VTI1A: variants seen among roughly 807,000 people sequenced by gnomAD.
The protein encoded by VTI1A is vesicle transport through interaction with t-SNAREs 1A.
In VTI1A, 22 loss-of-function variants were observed where a neutral mutation model predicts 34.9. That is an observed-to-expected ratio of 0.63 (90% confidence interval 0.45 to 0.90). The LOEUF is 0.90. Ranked by LOEUF, VTI1A falls within the 40% of genes least tolerant of loss-of-function variation. The probability of loss-of-function intolerance (pLI) is 0.00; values close to 1 mark genes in which losing one functional copy is unlikely to be tolerated. For missense variants in VTI1A, 268 were observed against 275.6 expected, an observed-to-expected ratio of 0.97 and a Z score of 0.20; for synonymous variants, 87 against 97.3, an observed-to-expected ratio of 0.89 and a Z score of 0.62.
intron 4 of VTI1A, among the ~76,000 whole-genome samples, chr10:112,534,069 G>T (rs945419506): frequency 6.6e-6 from 1 of 152,086 alleles, no homozygotes; most frequent in African/African-American, 2.4e-5. Flanking sequence ...GCTACTCTGT[G>T]TACATAGATA....
chr10:112,478,838 C>T (rs533451109), intron 3 of VTI1A, among the ~76,000 whole-genome samples: 1 of 151,576 alleles, frequency 6.6e-6, no homozygotes, highest in Admixed American at 6.6e-5. Flanking sequence ...CCATTTCTTC[C>T]CTAGCTTCTA....
chr10:112,531,187 A>G (rs577259928), intron 4 of VTI1A, among the ~76,000 whole-genome samples: 5 of 152,072 alleles, frequency 3.3e-5, no homozygotes, highest in Non-Finnish European at 7.4e-5. Flanking sequence ...AGGCTTAACC[A>G]CAAGAGATTC....
At chr10:112,627,588 AT>A (rs532022256) in intron 5 of VTI1A, among the ~76,000 whole-genome samples, 4 of 152,192 alleles carry the variant, frequency 2.6e-5, no homozygotes, top group African/African-American at 7.2e-5. Context: ...TTTCTCCCCT[AT>A]GTATTCGTAT....
chr10:112,628,769 CTTAT>C (rs1846016112), intron 5 of VTI1A, among the ~76,000 whole-genome samples: 1 of 151,910 alleles, frequency 6.6e-6, no homozygotes, highest in Admixed American at 6.6e-5. Flanking sequence ...GTAAGATTTT[CTTAT>C]TTAAAGTCTT....
intron 7 of VTI1A, among the ~76,000 whole-genome samples, chr10:112,709,026 G>T (rs1282513155): frequency 6.6e-6 from 1 of 152,116 alleles, no homozygotes; most frequent in Non-Finnish European, 1.5e-5. Flanking sequence ...AGCGTCTATT[G>T]TCAATTTTCT....
At chr10:112,623,040 G>A (rs887113799) in intron 5 of VTI1A, among the ~76,000 whole-genome samples, 1 of 152,266 alleles carries the variant, frequency 6.6e-6, no homozygotes, top group Non-Finnish European at 1.5e-5. Flanking sequence ...AGGATTGGGT[G>A]GTACACCTGA....
At chr10:112,508,598 T>C (rs78399426) in intron 3 of VTI1A, among the ~76,000 whole-genome samples, 1 of 152,290 alleles carries the variant, frequency 6.6e-6, no homozygotes, top group African/African-American at 2.4e-5. Context: ...GCATTTTTAT[T>C]TCCTCTAAGC....
At chr10:112,820,916 G>A (rs948568733), downstream of VTI1A, among the ~76,000 whole-genome samples, 2 of 152,098 alleles carry the variant, frequency 1.3e-5, no homozygotes, top group Non-Finnish European at 2.9e-5. Context: ...GGGCAAGTAG[G>A]CCCCCTTGAG....
chr10:112,690,873 C>T (rs7899937), intron 7 of VTI1A, among the ~76,000 whole-genome samples: 23,699 of 152,138 alleles, frequency 0.16, 3,666 homozygotes, highest in African/African-American at 0.38. Flanking sequence ...TGCACAGATT[C>T]TTTTTAAAAC....
intron 7 of VTI1A, among the ~76,000 whole-genome samples, chr10:112,701,952 A>G (rs775275561): frequency 2.0e-5 from 3 of 152,192 alleles, no homozygotes; most frequent in Non-Finnish European, 4.4e-5. Context: ...TGTCATTCAT[A>G]AACTTAATTT....
At chr10:112,447,604 G>A in intron 1 of VTI1A, 137 bp downstream of exon 1, 1 of 1,009,340 alleles carries the variant, frequency 9.9e-7, no homozygotes, top group Non-Finnish European at 1.5e-6. Flanking sequence ...GGAGGGATAC[G>A]GCTTGGCTTG....
intron 3 of VTI1A, among the ~76,000 whole-genome samples, chr10:112,498,974 G>T (rs1433909551): frequency 6.6e-6 from 1 of 152,136 alleles, no homozygotes; most frequent in African/African-American, 2.4e-5. Flanking sequence ...GGGCGGGAGG[G>T]TTGGTACCAT....
intron 5 of VTI1A, among the ~76,000 whole-genome samples, chr10:112,575,949 T>G (rs945411524): frequency 6.6e-6 from 1 of 152,098 alleles, no homozygotes; most frequent in Non-Finnish European, 1.5e-5. Context: ...CTCGTGAATT[T>G]TTCTTTGTTT....
chr10:112,686,535 A>G (rs527894494), intron 7 of VTI1A, among the ~76,000 whole-genome samples: 1 of 152,232 alleles, frequency 6.6e-6, no homozygotes, highest in African/African-American at 2.4e-5. Flanking sequence ...ATTATTGATG[A>G]TTTACTGACA....
At chr10:112,551,289 T>C (rs993353990) in intron 5 of VTI1A, among the ~76,000 whole-genome samples, 6 of 151,830 alleles carry the variant, frequency 4.0e-5, no homozygotes, top group African/African-American at 1.4e-4. Flanking sequence ...TGGAGCTATT[T>C]TTTTTTAAAT....
At chr10:112,641,100 A>AG (rs1301410092) in intron 5 of VTI1A, among the ~76,000 whole-genome samples, 1 of 150,504 alleles carries the variant, frequency 6.6e-6, no homozygotes, top group Non-Finnish European at 1.5e-5. Flanking sequence ...TCATTCTGAG[A>AG]GGGGGTGTAG....
rs72821887 is a variant in VTI1A, at chr10:112,492,389, G to A, written c.264+27732G>A. Among the ~76,000 whole-genome samples, 428 of 152,264 alleles carry A rather than the reference G, an allele frequency of 2.8e-3. 2 individuals are homozygous for A. The highest frequency in any genetic ancestry group is 4.1e-3 in the South Asian group (20 of 4,824). Reference sequence around the variant, plus strand: ...GGTCTTTTACACTCAGAAATTCTGCGCGGTATATCATTGCAATTGCCGCAG... The same window carrying A: ...GGTCTTTTACACTCAGAAATTCTGCACGGTATATCATTGCAATTGCCGCAG... On this transcript the variant is annotated intron_variant, in intron 3 of 7. Transcript: ENST00000393077.
chr10:112,836,476 C>T, the VTI1A span, among the ~76,000 whole-genome samples: 1 of 152,294 alleles, frequency 6.6e-6, no homozygotes, highest in East Asian at 1.9e-4. Context: ...CCCTCACGTG[C>T]TCTCCTCTCC....
intron 7 of VTI1A, among the ~76,000 whole-genome samples, chr10:112,704,588 A>G (rs750911675): frequency 3.5e-4 from 53 of 152,256 alleles, no homozygotes; most frequent in Non-Finnish European, 4.0e-4. Context: ...AGAAATTGAG[A>G]CTGTTTTTAA....
Sources: gnomAD v4.1 joint callset for allele counts (sites outside exome capture counted in the v4.1 genomes callset) on GRCh38, gnomAD v4.1.1 for gene constraint, MANE v1.5 for transcripts, NCBI Gene and HGNC (gene_info 2026-07-23, HGNC 2026-07-21) for gene names.